The following PALS2 variants were observed in gnomAD, a reference collection of about 807,000 sequenced individuals.
PALS2 encodes the protein protein PALS2.
PALS2 carries 27 observed loss-of-function variants against 61.6 expected under a neutral mutation model. The observed-to-expected ratio is 0.44, with a 90% CI of 0.32 to 0.60. The LOEUF (loss-of-function observed/expected upper bound fraction) is 0.60. PALS2 is among the 20% of genes least tolerant of loss of function. The pLI is 0.05. For missense variants in PALS2, 554 were observed against 639.4 expected (o/e 0.87, Z 1.44); for synonymous variants, 236 against 218.6 (o/e 1.08, Z -0.70).
chr7:24,587,225 C>T lies in PALS2; in HGVS notation c.-3+13632C>T, dbSNP rs113537963. ...TATACTGTTAAAAACATTGGAAGGA[C>T]GAAGGACGTTAACTGGAATGACGAT... On this transcript the variant is annotated intron_variant, in intron 1 of 11. Coordinates refer to ENST00000222644, the MANE Select transcript of PALS2 (RefSeq NM_001303037.2). 8.1e-3 allele frequency among the ~76,000 whole-genome samples: 1,232 copies of T among 151,822 alleles called. 17 individuals are homozygous for T. Among genetic ancestry groups the T allele is most frequent in the African/African-American group, 0.028 (1,169 of 41,372 alleles).
chr7:24,624,788 G>A (rs1000714884), intron 2 of PALS2, among the ~76,000 whole-genome samples: 1 of 151,704 alleles, frequency 6.6e-6, no homozygotes, highest in African/African-American at 2.4e-5. Flanking sequence ...TGTATTTTTA[G>A]TAGAGGAGGG....
Position 24,590,301 on chromosome 7 carries a change from T to A in PALS2, c.-3+16708T>A, listed in dbSNP as rs117496196. Among the ~76,000 whole-genome samples the A allele has an allele frequency of 4.8e-3, 731 of 152,280 alleles. 2 individuals carry two copies. Among genetic ancestry groups the A allele is most frequent in the Non-Finnish European group, 7.9e-3 (539 of 68,024 alleles). On this transcript the variant is annotated intron_variant, in intron 1 of 11. Coordinates refer to ENST00000222644, the MANE Select transcript of PALS2 (RefSeq NM_001303037.2). ...TACCTGTCTTTTTGTTACTGTTTGA[T>A]GATTTTTGAATTGTGTGCTCTTGCT...
chr7:24,600,871 T>C (rs988341438), intron 1 of PALS2, among the ~76,000 whole-genome samples: 2 of 152,154 alleles, frequency 1.3e-5, no homozygotes, highest in African/African-American at 4.8e-5. Flanking sequence ...AAAGTGGTTA[T>C]AATTATTTGA....
chr7:24,616,530 C>T (rs1784298276), intron 1 of PALS2, among the ~76,000 whole-genome samples: 2 of 152,026 alleles, frequency 1.3e-5, no homozygotes, highest in African/African-American at 4.8e-5. Flanking sequence ...TTTTTCATCT[C>T]TTTGCTTTCC....
At chr7:24,595,570 T>TATATATTAA (rs1562604404) in intron 1 of PALS2, among the ~76,000 whole-genome samples, 17 of 121,638 alleles carry the variant, frequency 1.4e-4, no homozygotes, top group African/African-American at 4.7e-4. Context: ...TATATATAAA[T>TATATATTAA]ATATATAAAT....
intron 11 of PALS2, among the ~76,000 whole-genome samples, chr7:24,686,986 C>G (rs1347953602): frequency 6.6e-6 from 1 of 152,140 alleles, no homozygotes; most frequent in Non-Finnish European, 1.5e-5. Context: ...TTCTAAGATT[C>G]TCTGATCTTA....
chr7:24,671,034 A>T (rs1314868164), intron 9 of PALS2, among the ~76,000 whole-genome samples: 1 of 152,148 alleles, frequency 6.6e-6, no homozygotes, highest in Non-Finnish European at 1.5e-5. Flanking sequence ...TCTCTTGGGT[A>T]TATACCTTGG....
intron 1 of PALS2, among the ~76,000 whole-genome samples, chr7:24,614,532 A>G (rs1029910144): frequency 1.3e-5 from 2 of 151,884 alleles, no homozygotes; most frequent in African/African-American, 4.8e-5. Flanking sequence ...AAAAGGGTAA[A>G]TTAAGCAACA....
At chr7:24,585,108 C>T (rs1783008728) in intron 1 of PALS2, among the ~76,000 whole-genome samples, 1 of 152,140 alleles carries the variant, frequency 6.6e-6, no homozygotes, top group African/African-American at 2.4e-5. Context: ...ATGCCTCCAG[C>T]TTTGTTCTTT....
intron 2 of PALS2, among the ~76,000 whole-genome samples, chr7:24,627,663 A>G (rs1170889086): frequency 1.3e-5 from 2 of 152,232 alleles, no homozygotes; most frequent in Admixed American, 6.5e-5. Context: ...AAATAGATAC[A>G]ATAAAAAATG....
Position 24,671,618 on chromosome 7 carries a change from A to G in PALS2, c.1114+2958A>G, listed in dbSNP as rs528872935. ...ACCATATCAAGGCTTTCCCTAACCC[A>G]AGGCCACAAAATTTTACTCCTGTAT... On this transcript the variant is annotated intron_variant, in intron 9 of 11. Coordinates refer to ENST00000222644, the MANE Select transcript of PALS2 (RefSeq NM_001303037.2). Among the ~76,000 whole-genome samples, 15 of 152,328 alleles carry G rather than the reference A, an allele frequency of 9.8e-5. No individual in the cohort carries two copies. In the East Asian group the frequency reaches 2.9e-3, roughly 29 times the overall value.
At chr7:24,643,251 C>G (rs1023875552) in intron 3 of PALS2, among the ~76,000 whole-genome samples, 1 of 152,004 alleles carries the variant, frequency 6.6e-6, no homozygotes, top group African/African-American at 2.4e-5. Context: ...AGGAATGCTA[C>G]TTATTATTAG....
At chr7:24,678,051 C>T (rs1562661920) in intron 9 of PALS2, among the ~76,000 whole-genome samples, 1 of 152,278 alleles carries the variant, frequency 6.6e-6, no homozygotes, top group South Asian at 2.1e-4. Context: ...TATTCTCCAA[C>T]TACTTAGCTA....
chr7:24,623,113 G>T (rs987145945), intron 1 of PALS2, among the ~76,000 whole-genome samples: 3 of 150,800 alleles, frequency 2.0e-5, no homozygotes, highest in African/African-American at 7.3e-5. Flanking sequence ...GAGATTGGTG[G>T]TAATTTTTTT....
At chr7:24,665,830 CT>C in intron 7 of PALS2, 143 bp downstream of exon 7, 2 of 959,278 alleles carry the variant, frequency 2.1e-6, no homozygotes, top group Non-Finnish European at 3.1e-6. Context: ...CATAAGTAAT[CT>C]TTTTTGATCC....
At chr7:24,640,873 T>C (rs1164398191) in intron 2 of PALS2, among the ~76,000 whole-genome samples, 3 of 151,810 alleles carry the variant, frequency 2.0e-5, no homozygotes, top group Non-Finnish European at 4.4e-5. Context: ...CCAGGCTTGG[T>C]GGCGGGTACC....
At chr7:24,635,589 GA>G (rs1265395701) in intron 2 of PALS2, among the ~76,000 whole-genome samples, 3 of 152,106 alleles carry the variant, frequency 2.0e-5, no homozygotes, top group Non-Finnish European at 2.9e-5. Context: ...ATGTTAAATA[GA>G]AGTGATGAGA....
rs116238534 is a variant in PALS2 at position 24,673,507 on chromosome 7, C to T, written c.1114+4847C>T. Among the ~76,000 whole-genome samples the T allele has an allele frequency of 5.2e-3, 790 of 152,160 alleles. 7 individuals carry two copies. Among genetic ancestry groups the T allele is most frequent in the African/African-American group, 0.017 (721 of 41,538 alleles). ...CTTTCAATGTTTGATGAAATTCACC[C>T]ATGAAGCCATTTGACCCTGGGCTTT... On this transcript the variant is annotated intron_variant, in intron 9 of 11. Coordinates refer to ENST00000222644, the MANE Select transcript of PALS2 (RefSeq NM_001303037.2).
In PALS2 at chr7:24,641,875, T is replaced by C. The variant is rs1408718060; in HGVS notation, c.270+7T>C. 7.4e-6 allele frequency: 12 copies of C among 1,610,842 alleles called. 1 individual carries two copies. The Admixed American group carries it at 1.5e-4, about 20-fold the overall frequency. ...CAAAGAACCTCACTTCCAGGTAACT[T>C]TCCCTATCACTCAACTCTCAAGTTC... is the stretch of plus-strand genomic sequence containing the variant. On this transcript the variant is annotated splice_region_variant and intron_variant, in intron 3 of 11. Coordinates refer to ENST00000222644, the MANE Select transcript of PALS2 (RefSeq NM_001303037.2).
Sources: allele counts gnomAD v4.1 joint callset (sites outside exome capture counted in the v4.1 genomes callset), GRCh38; gene constraint gnomAD v4.1.1; transcripts MANE v1.5; gene names NCBI Gene and HGNC (gene_info 2026-07-23, HGNC 2026-07-21).